ADAMTS17: variants seen among roughly 807,000 people sequenced by gnomAD.
ADAMTS17 encodes ADAM metallopeptidase with thrombospondin type 1 motif 17.
In ADAMTS17, 113 loss-of-function variants were observed where a neutral mutation model predicts 141.5. The ratio of observed to expected loss-of-function variants is 0.80; its 90% confidence interval spans 0.69 to 0.93. The LOEUF (loss-of-function observed/expected upper bound fraction) is 0.93, where lower values mean the gene tolerates loss of function less well. Among genes scored for constraint, ADAMTS17 ranks in the 40% least tolerant of loss-of-function variants. The pLI, the probability that ADAMTS17 is intolerant of heterozygous loss-of-function variation, is 0.00. For missense variants in ADAMTS17, 1,659 were observed against 1,517.9 expected, an observed-to-expected ratio of 1.09 and a Z score of -1.54; for synonymous variants, 768 against 630.6, an observed-to-expected ratio of 1.22 and a Z score of -3.27.
intron 3 of ADAMTS17, among the ~76,000 whole-genome samples, chr15:100,318,997 T>C (rs1487410149): frequency 6.6e-6 from 1 of 152,230 alleles, no homozygotes; most frequent in Non-Finnish European, 1.5e-5. Context: ...CACAAGTAGA[T>C]CATCCTGTGC....
chr15:100,172,452 G>A (rs147494716), intron 8 of ADAMTS17, among the ~76,000 whole-genome samples: 3 of 152,218 alleles, frequency 2.0e-5, no homozygotes, highest in African/African-American at 7.2e-5. Flanking sequence ...GTTTTAATCA[G>A]TAGTTCACAT....
chr15:100,018,529 C>A (rs1174313692), intron 18 of ADAMTS17, among the ~76,000 whole-genome samples: 2 of 152,102 alleles, frequency 1.3e-5, no homozygotes, highest in East Asian at 1.9e-4. Context: ...GAAGTGTGAA[C>A]CACCTCCCAC....
At chr15:100,224,981 T>A (rs2042250518) in intron 7 of ADAMTS17, among the ~76,000 whole-genome samples, 1 of 152,244 alleles carries the variant, frequency 6.6e-6, no homozygotes, top group Non-Finnish European at 1.5e-5. Context: ...AGCCCCTGGA[T>A]GTGTCATGGA....
At chr15:100,329,935 A>G (rs1206070994) in intron 3 of ADAMTS17, among the ~76,000 whole-genome samples, 3 of 152,212 alleles carry the variant, frequency 2.0e-5, no homozygotes, top group African/African-American at 7.2e-5. Flanking sequence ...ATTGTTTCCA[A>G]TGTCACCAGA....
intron 13 of ADAMTS17, among the ~76,000 whole-genome samples, chr15:100,115,715 G>C (rs2037073350): frequency 6.6e-6 from 1 of 152,154 alleles, no homozygotes; most frequent in South Asian, 2.1e-4. Flanking sequence ...CCATCACAGG[G>C]AAGAAACATA....
chr15:100,215,283 G>A (rs1444180978), intron 7 of ADAMTS17, among the ~76,000 whole-genome samples: 3 of 152,198 alleles, frequency 2.0e-5, no homozygotes, highest in Non-Finnish European at 4.4e-5. Flanking sequence ...CTTGTGAGAT[G>A]AGCTGACGAT....
At chr15:100,313,020 G>A (rs947353865) in intron 3 of ADAMTS17, among the ~76,000 whole-genome samples, 25 of 152,332 alleles carry the variant, frequency 1.6e-4, no homozygotes, top group African/African-American at 6.0e-4. Flanking sequence ...AAGAAAGGGA[G>A]AAAGTTATGA....
At chr15:100,044,370 T>C (rs190123204) in intron 18 of ADAMTS17, among the ~76,000 whole-genome samples, 1 of 152,292 alleles carries the variant, frequency 6.6e-6, no homozygotes, top group East Asian at 1.9e-4. Flanking sequence ...TTCCTTCCCA[T>C]TTTCTAGACT....
chr15:100,114,127 G>A lies in ADAMTS17; in HGVS notation c.1888+2720C>T, dbSNP rs999255659. On this transcript the variant is annotated intron_variant, in intron 13 of 21. Coordinates refer to ENST00000268070, the MANE Select transcript of ADAMTS17 (RefSeq NM_139057.4). The stretch of plus-strand genomic sequence containing the variant: ...GATTTGTGGTCCTGAATCCTCCCTT[G>A]GAAAATCTACCTCTGCAAGAATTCT... Among the ~76,000 whole-genome samples, 5 of 150,430 alleles carry A rather than the reference G, an allele frequency of 3.3e-5. No individual in the cohort carries two copies. The East Asian group carries it at 7.8e-4, about 23-fold the overall frequency.
chr15:100,341,687 C>A, intron 1 of ADAMTS17, 134 bp downstream of exon 1: 1 of 1,169,320 alleles, frequency 8.6e-7, no homozygotes, highest in Non-Finnish European at 1.1e-6. Flanking sequence ...ACTCCGGCCG[C>A]GGCCCGCGCC....
At chr15:99,998,202 T>C (rs375016152) in intron 18 of ADAMTS17, among the ~76,000 whole-genome samples, 1 of 152,178 alleles carries the variant, frequency 6.6e-6, no homozygotes, top group African/African-American at 2.4e-5. Context: ...CCTCCCTGCT[T>C]TCCAGAGCCT....
At chr15:100,301,664 T>G (rs1300219224) in intron 3 of ADAMTS17, among the ~76,000 whole-genome samples, 1 of 152,128 alleles carries the variant, frequency 6.6e-6, no homozygotes, top group Non-Finnish European at 1.5e-5. Context: ...CTTATCATCT[T>G]TAGTAATTGG....
intron 3 of ADAMTS17, among the ~76,000 whole-genome samples, chr15:100,309,735 A>AT (rs541295979): frequency 5.7e-4 from 87 of 152,172 alleles, no homozygotes; most frequent in Admixed American, 4.8e-3. Context: ...GCATCCCCAA[A>AT]TCGCCATCAT....
At chr15:100,249,986 G>A (rs1041152123) in intron 7 of ADAMTS17, among the ~76,000 whole-genome samples, 1 of 152,138 alleles carries the variant, frequency 6.6e-6, no homozygotes, top group African/African-American at 2.4e-5. Context: ...TAGAGGGATG[G>A]GACTGCACAG....
chr15:100,017,217 C>T (rs1025234166), intron 18 of ADAMTS17, among the ~76,000 whole-genome samples: 1 of 152,178 alleles, frequency 6.6e-6, no homozygotes, highest in Non-Finnish European at 1.5e-5. Context: ...TCGCAACGTG[C>T]CCCCTCAACA....
At chr15:100,102,243 C>A (rs2036143537) in intron 14 of ADAMTS17, among the ~76,000 whole-genome samples, 1 of 152,098 alleles carries the variant, frequency 6.6e-6, no homozygotes, top group Admixed American at 6.5e-5. Flanking sequence ...TGTCTGGTTG[C>A]CCACTCGTAT....
intron 15 of ADAMTS17, among the ~76,000 whole-genome samples, chr15:100,085,673 G>T (rs1449792317): frequency 6.6e-6 from 1 of 151,328 alleles, no homozygotes; most frequent in South Asian, 2.1e-4. Flanking sequence ...TAAGCCAGAA[G>T]AGAGTGGGGA....
At chr15:100,310,121 C>T (rs914010383) in intron 3 of ADAMTS17, among the ~76,000 whole-genome samples, 2 of 152,174 alleles carry the variant, frequency 1.3e-5, no homozygotes, top group Admixed American at 6.5e-5. Context: ...AGGCCCGTGA[C>T]AGAAATTCAC....
intron 3 of ADAMTS17, among the ~76,000 whole-genome samples, chr15:100,288,326 T>A (rs1265476057): frequency 1.3e-5 from 2 of 152,174 alleles, no homozygotes; most frequent in Admixed American, 1.3e-4. Context: ...ACTTAACTAT[T>A]CCAAATATAT....
Sources: gnomAD v4.1 joint callset for allele counts (sites outside exome capture counted in the v4.1 genomes callset) on GRCh38, gnomAD v4.1.1 for gene constraint, MANE v1.5 for transcripts, NCBI Gene and HGNC (gene_info 2026-07-23, HGNC 2026-07-21) for gene names.